The following TESC variants were observed in gnomAD, a reference collection of about 807,000 sequenced individuals.
TESC encodes the protein calcineurin B homologous protein 3.
A neutral mutation model predicts 31.0 loss-of-function variants in TESC; 19 were observed. The observed-to-expected ratio is 0.61, with a 90% confidence interval of 0.43 to 0.90. The LOEUF is 0.90. TESC is among the 40% of genes least tolerant of loss of function. The pLI is 0.00. For missense variants in TESC, 248 were observed against 303.8 expected, an observed-to-expected ratio of 0.82 and a Z score of 1.36; for synonymous variants, 109 against 114.8, an observed-to-expected ratio of 0.95 and a Z score of 0.32.
At chr12:117,097,926 A>G (rs940859576) in intron 1 of TESC, among the ~76,000 whole-genome samples, 8 of 152,160 alleles carry the variant, frequency 5.3e-5, no homozygotes, top group African/African-American at 1.9e-4. Context: ...GTACCATATT[A>G]TATATGCTGA....
At chr12:117,091,907 C>T (rs1391126574) in intron 1 of TESC, among the ~76,000 whole-genome samples, 2 of 152,330 alleles carry the variant, frequency 1.3e-5, no homozygotes, top group East Asian at 1.9e-4. Context: ...TGTGCCGACT[C>T]TCAGAGTCTC....
At chr12:117,040,434 G>C (rs1954465692) in intron 7 of TESC, among the ~76,000 whole-genome samples, 2 of 152,214 alleles carry the variant, frequency 1.3e-5, no homozygotes, top group African/African-American at 4.8e-5. Flanking sequence ...GGGAGCACTA[G>C]GGGCCTGGCA....
At chr12:117,048,883 TG>T (rs1302525244) in intron 4 of TESC, 135 bp downstream of exon 4, 1 of 1,369,106 alleles carries the variant, frequency 7.3e-7, no homozygotes, top group African/African-American at 1.4e-5. Context: ...GGACGAGGGC[TG>T]GTGGCCCCAA....
At chr12:117,039,948 C>T (rs1304935326) in intron 7 of TESC, among the ~76,000 whole-genome samples, 1 of 152,246 alleles carries the variant, frequency 6.6e-6, no homozygotes, top group Non-Finnish European at 1.5e-5. Context: ...CAAGTCAGGG[C>T]CCACGGGGGC....
chr12:117,047,784 C>G (rs141590292), intron 4 of TESC, among the ~76,000 whole-genome samples: 1 of 152,010 alleles, frequency 6.6e-6, no homozygotes, highest in Admixed American at 6.6e-5. Context: ...CTCTGTCGCA[C>G]AGGCTGAATG....
intron 2 of TESC, among the ~76,000 whole-genome samples, chr12:117,075,003 G>A (rs898781618): frequency 1.1e-4 from 16 of 152,218 alleles, no homozygotes; most frequent in East Asian, 3.9e-4. Context: ...AACATTAGCC[G>A]AGCATGGTGG....
intron 6 of TESC, among the ~76,000 whole-genome samples, chr12:117,042,895 T>C (rs1954505710): frequency 6.6e-6 from 1 of 152,156 alleles, no homozygotes; most frequent in Non-Finnish European, 1.5e-5. Flanking sequence ...AACGCTAAGC[T>C]GTGGGAGTTA....
chr12:117,073,963 C>T (rs956205242), intron 2 of TESC, among the ~76,000 whole-genome samples: 4 of 152,178 alleles, frequency 2.6e-5, no homozygotes, highest in Middle Eastern at 3.4e-3. Context: ...GCGGTACACA[C>T]CTGTAGTGCC....
intron 2 of TESC, among the ~76,000 whole-genome samples, chr12:117,061,667 C>A (rs1409972876): frequency 6.6e-6 from 1 of 152,054 alleles, no homozygotes; most frequent in African/African-American, 2.4e-5. Flanking sequence ...CTCTCTCTCT[C>A]CATAGGCACC....
Position 117,099,285 on chromosome 12 carries a change from T to C in TESC, c.-3A>G, listed in dbSNP as rs1440104563. 7 of 1,437,100 alleles carry C rather than the reference T, an allele frequency of 4.9e-6. No individual in the cohort carries two copies. Among genetic ancestry groups the C allele is most frequent in the Non-Finnish European group, 6.4e-6 (7 of 1,101,188 alleles). 89.0% of individuals were successfully genotyped at this position (1,437,100 alleles called of 1,614,324 possible). A position where few individuals can be genotyped will look rare whatever the true frequency, so the allele number is the denominator to read the frequency against. On this transcript the variant is annotated 5_prime_UTR_variant, in exon 1 of 8. Coordinates refer to ENST00000335209, the MANE Select transcript of TESC (RefSeq NM_017899.4). ...GACGCGGAGTGGGCAGCGCCCATGG[T>C]GCCCGCGGCGGGGGCCCCGGGGCGC...
intron 3 of TESC, among the ~76,000 whole-genome samples, chr12:117,054,941 C>T (rs945198302): frequency 6.6e-6 from 1 of 152,166 alleles, no homozygotes; most frequent in Non-Finnish European, 1.5e-5. Context: ...CTTCATCCCC[C>T]CTAGAGTCCC....
intron 3 of TESC, 143 bp downstream of exon 3, chr12:117,056,663 A>C: frequency 1.2e-6 from 1 of 841,550 alleles, no homozygotes; most frequent in South Asian, 1.6e-5. Flanking sequence ...GTCCAACCCC[A>C]AACCTATGCT....
At chr12:117,089,828 T>C (rs1955282080) in intron 1 of TESC, among the ~76,000 whole-genome samples, 1 of 152,074 alleles carries the variant, frequency 6.6e-6, no homozygotes, top group African/African-American at 2.4e-5. Flanking sequence ...GGAGAGATAA[T>C]ATTTTCATAA....
chr12:117,067,871 G>A (rs1188453741), intron 2 of TESC, among the ~76,000 whole-genome samples: 1 of 152,154 alleles, frequency 6.6e-6, no homozygotes, highest in African/African-American at 2.4e-5. Flanking sequence ...GCTGGCAGCT[G>A]GGCTCCCATT....
chr12:117,054,222 A>T (rs1592998755), intron 3 of TESC, among the ~76,000 whole-genome samples: 1 of 150,498 alleles, frequency 6.6e-6, no homozygotes, highest in African/African-American at 2.5e-5. Context: ...ACCATGATTC[A>T]CTCCTCCCTG....
At chr12:117,044,282 A>C (rs2135746319) in intron 6 of TESC, among the ~76,000 whole-genome samples, 1 of 152,082 alleles carries the variant, frequency 6.6e-6, no homozygotes, top group South Asian at 2.1e-4. Flanking sequence ...TTAAAAAATA[A>C]ATAATAAATT....
chr12:117,086,775 A>C (rs1955224756), intron 1 of TESC, among the ~76,000 whole-genome samples: 1 of 152,190 alleles, frequency 6.6e-6, no homozygotes, highest in Non-Finnish European at 1.5e-5. Flanking sequence ...ATTTTGCATC[A>C]ATTTTTAAAG....
chr12:117,064,581 T>A (rs1471654418), intron 2 of TESC, among the ~76,000 whole-genome samples: 1 of 151,978 alleles, frequency 6.6e-6, no homozygotes, highest in Non-Finnish European at 1.5e-5. Flanking sequence ...GCTGCAGAGG[T>A]AAAGACAGAC....
chr12:117,052,733 G>A (rs905777017), intron 3 of TESC, among the ~76,000 whole-genome samples: 1 of 152,076 alleles, frequency 6.6e-6, no homozygotes, highest in Non-Finnish European at 1.5e-5. Flanking sequence ...CTCCAGACCC[G>A]GAGTCTCCTG....
Sources: gnomAD v4.1 joint callset for allele counts (sites outside exome capture counted in the v4.1 genomes callset) on GRCh38, gnomAD v4.1.1 for gene constraint, MANE v1.5 for transcripts, NCBI Gene and HGNC (gene_info 2026-07-23, HGNC 2026-07-21) for gene names.